The following PGAM5 variants were observed in gnomAD, a reference collection of about 807,000 sequenced individuals.
PGAM5 encodes the protein serine/threonine-protein phosphatase PGAM5, mitochondrial.
A neutral mutation model predicts 30.6 loss-of-function variants in PGAM5; 25 were observed. That is an observed-to-expected ratio of 0.82 (90% CI 0.60 to 1.14). The LOEUF is 1.14. Among genes scored for constraint, PGAM5 ranks in the 50% most tolerant of loss-of-function variants. The pLI, the probability that PGAM5 is intolerant of heterozygous loss-of-function variation, is 0.00. For missense variants in PGAM5, 384 were observed against 408.5 expected (o/e 0.94, Z 0.52); for synonymous variants, 201 against 179.1 (o/e 1.12, Z -0.98).
Position 132,711,037 on chromosome 12 carries a change from GC to G in PGAM5, c.165del (p.Gly56ValfsTer15). Reference protein sequence around the residue: ...PPAWAGGARPGPGVWDPNWDR... With the variant: ...PPAWAGGARPXPGVWDPNWDR... ...GCCTGGGCGGGGGGCGCGCGGCCGG[GC>G]CCCGGTGTCTGGGACCCCAACTGGG... On this transcript the variant is annotated frameshift_variant, in exon 1 of 6. Transcript: ENST00000498926. LOFTEE classifies it high-confidence loss of function. 3 of 1,213,968 alleles carry G rather than the reference GC, an allele frequency of 2.5e-6. No homozygotes were observed. The highest frequency in any genetic ancestry group is 3.2e-4 in the Middle Eastern group (1 of 3,138). The allele number at this position is 1,213,968 out of a possible 1,614,324, so 75.2% of individuals were successfully genotyped here.
intron 5 of PGAM5, 38 bp downstream of exon 5, chr12:132,718,158 T>C (rs2043602469): frequency 1.2e-6 from 2 of 1,609,728 alleles, no homozygotes; most frequent in African/African-American, 2.7e-5. Flanking sequence ...CTAAAATAAT[T>C]TCAGACTTAG....
intron 5 of PGAM5, chr12:132,719,116 G>C: frequency 1.5e-6 from 2 of 1,357,952 alleles, no homozygotes; most frequent in Non-Finnish European, 1.9e-6. Flanking sequence ...TTACATGCCT[G>C]AAACAGTCAG....
chr12:132,718,531 G>A (rs185206084), intron 5 of PGAM5, among the ~76,000 whole-genome samples: 1 of 15,624 alleles, frequency 6.4e-5, no homozygotes, highest in Non-Finnish European at 1.3e-4. Flanking sequence ...GGTGGGGTGC[G>A]TGCTGGGTGG....
chr12:132,717,615 G>A, intron 3 of PGAM5, 51 bp downstream of exon 3: 4 of 1,601,360 alleles, frequency 2.5e-6, no homozygotes, highest in Non-Finnish European at 3.4e-6. Flanking sequence ...GCGGCTCGTG[G>A]CAGGGCCCCG....
intron 5 of PGAM5, chr12:132,719,252 G>T (rs979600686): frequency 8.9e-7 from 1 of 1,121,940 alleles, no homozygotes; most frequent in Admixed American, 4.8e-5. Flanking sequence ...GAGTCCTGTG[G>T]TGGGAGGACA....
chr12:132,717,857 C>G, intron 4 of PGAM5, 59 bp downstream of exon 4: 1 of 1,587,338 alleles, frequency 6.3e-7, no homozygotes, highest in Non-Finnish European at 8.6e-7. Flanking sequence ...CAAAGCGGCC[C>G]TGCTGGGCTC....
intron 3 of PGAM5, 54 bp downstream of exon 3, chr12:132,717,618 G>C (rs2043594422): frequency 6.2e-7 from 1 of 1,601,364 alleles, no homozygotes; most frequent in Non-Finnish European, 8.5e-7. Flanking sequence ...GCTCGTGGCA[G>C]GGCCCCGGCC....
rs768706336 is a variant in PGAM5 at position 132,714,958 on chromosome 12, C to T, written c.292C>T (p.Arg98Trp). ...GGACCACTACAAAGCCAAGGCCACG[C>T]GGCACATCTTCCTCATCAGGCATTC... ...KLDHYKAKAT[R>W]HIFLIRHSQY... Residue 98 changes from arginine to tryptophan, a missense_variant, in exon 2 of 6, where the codon CGG (arginine) becomes TGG (tryptophan). Physicochemically the swap from Arg to Trp is moderately radical, Grantham distance 101. Transcript: ENST00000498926. 39 of 1,613,442 alleles carry T rather than the reference C, an allele frequency of 2.4e-5. No homozygotes were observed. Among genetic ancestry groups the T allele is most frequent in the Non-Finnish European group, 3.0e-5 (35 of 1,180,016 alleles).
intron 5 of PGAM5, among the ~76,000 whole-genome samples, chr12:132,720,321 T>C (rs2043630286): frequency 6.8e-6 from 1 of 147,540 alleles, no homozygotes; most frequent in Admixed American, 6.9e-5. Context: ...CCGTTTTTTT[T>C]TTTTTAGACA....
rs12423651 is a variant in PGAM5 at position 132,718,767 on chromosome 12, C to T, written c.719+647C>T. The T allele has an allele frequency of 0.064, 102,557 of 1,613,302 alleles. 11,209 individuals carry two copies. The highest frequency in any genetic ancestry group is 0.54 in the East Asian group (24,355 of 44,830). On this transcript the variant is annotated intron_variant, in intron 5 of 5. Transcript: ENST00000498926. ...CGGCTGGATCCCACTGGCAGCATCC[C>T]GCCGCTGTTGTCCGCTGGGGATTTT...
rs770559012 is a variant in PGAM5, at chr12:132,717,553, G to A, written c.485G>A (p.Arg162Gln). 3.2e-5 allele frequency: 51 copies of A among 1,610,544 alleles called. 1 individual carries two copies. The South Asian group carries it at 3.2e-4, about 10-fold the overall frequency. ...ATAGAGACCACCGATATCATCAGCC[G>A]GCACCTGCCAGGTGAGTGCTGCGCG... Reference protein sequence around the residue: ...RAIETTDIISRHLPGVCKVST... With the variant: ...RAIETTDIISQHLPGVCKVST... Residue 162 changes from arginine to glutamine, a missense_variant, in exon 3 of 6, where the codon CGG (arginine) becomes CAG (glutamine). Transcript: ENST00000498926.
rs1303631797 is a variant in PGAM5 at position 132,717,528 on chromosome 12, A to T, written c.460A>T (p.Ile154Leu). 1.2e-6 allele frequency: 2 copies of T among 1,610,830 alleles called. No individual in the cohort carries two copies. The highest frequency in any genetic ancestry group is 1.7e-6 in the Non-Finnish European group (2 of 1,179,916). The change falls in exon 3 of 6, where the codon ATA (isoleucine) becomes TTA (leucine). Residue 154 changes from isoleucine (I) to leucine (L), a missense_variant. Physicochemically the swap from Ile to Leu is conservative, Grantham distance 5. Coordinates refer to ENST00000498926, the MANE Select transcript of PGAM5 (RefSeq NM_001170543.2). ...KIVHSSMTRA[I>L]ETTDIISRHL... ...CGTCCATTCGTCTATGACGCGCGCC[A>T]TAGAGACCACCGATATCATCAGCCG...
intron 2 of PGAM5, 133 bp downstream of exon 2, chr12:132,715,169 TG>T: frequency 1.1e-6 from 1 of 872,918 alleles, no homozygotes. Context: ...TGAAAGTGCT[TG>T]GGGCACTGGG....
rs957680836 is a variant in PGAM5 at position 132,720,925 on chromosome 12, A to G, written c.*97A>G. 1.2e-5 allele frequency: 17 copies of G among 1,378,842 alleles called. No homozygotes were observed. The highest frequency in any genetic ancestry group is 4.9e-5 in the Admixed American group (2 of 40,830). 85.4% of individuals were successfully genotyped at this position (1,378,842 alleles called of 1,614,324 possible). A position where few individuals can be genotyped will look rare whatever the true frequency, so the allele number is the denominator to read the frequency against. ...GACCGGCGGAAAGTAGAAACCTGCA[A>G]TGCTGCATCTGGGAACTGACTTGTG... On this transcript the variant is annotated 3_prime_UTR_variant, in exon 6 of 6. Coordinates refer to ENST00000498926, the MANE Select transcript of PGAM5 (RefSeq NM_001170543.2).
intron 2 of PGAM5, 103 bp downstream of exon 2, chr12:132,715,139 AC>A: frequency 8.0e-7 from 1 of 1,246,230 alleles, no homozygotes; most frequent in African/African-American, 1.5e-5. Flanking sequence ...TCCTCCGCCG[AC>A]CCCCTTGGTC....
chr12:132,717,927 C>T, intron 4 of PGAM5, 60 bp from the exon 5 acceptor site: 11 of 1,606,866 alleles, frequency 6.8e-6, no homozygotes, highest in Non-Finnish European at 9.4e-6. Flanking sequence ...GGGGTCTGTC[C>T]TCCTGACACC....
chr12:132,720,700 G>A lies in PGAM5; in HGVS notation c.742G>A (p.Gly248Ser). The change falls in exon 6 of 6, where the codon GGC becomes AGC. Residue 248 changes from glycine to serine, a missense_variant. By Grantham distance (56) the Gly-to-Ser change is moderately conservative (BLOSUM62 0). Transcript: ENST00000498926. ...VCRALQFPPE[G>S]WLRLSLNNGS... ...CAGAGCACTGCAGTTTCCTCCTGAA[G>A]GCTGGCTCCGGCTCTCCCTCAATAA... 6.5e-7 allele frequency: 1 copy of A among 1,536,188 alleles called. No individual in the cohort carries two copies. The highest frequency in any genetic ancestry group is 8.7e-7 in the Non-Finnish European group (1 of 1,146,812).
chr12:132,720,474 A>T (rs545834057), intron 5 of PGAM5, among the ~76,000 whole-genome samples: 1 of 152,066 alleles, frequency 6.6e-6, no homozygotes, highest in African/African-American at 2.4e-5. Flanking sequence ...CGCCCAGCTA[A>T]TTTTTTGTAT....
chr12:132,711,116 GGT>G (rs2136077200), intron 1 of PGAM5, 49 bp downstream of exon 1: 3 of 1,177,726 alleles, frequency 2.5e-6, no homozygotes, highest in Admixed American at 4.5e-5. Context: ...GGTCAGGGCA[GGT>G]GTTACCGTTG....
Sources: allele counts gnomAD v4.1 joint callset (sites outside exome capture counted in the v4.1 genomes callset), GRCh38; gene constraint gnomAD v4.1.1; transcripts MANE v1.5; gene names NCBI Gene and HGNC (gene_info 2026-07-23, HGNC 2026-07-21).